Variants in PTPRG observed in about 807,000 individuals in gnomAD.
PTPRG encodes protein tyrosine phosphatase receptor type G.
In PTPRG, 102 loss-of-function variants were observed where a neutral mutation model predicts 165.3. That is an observed-to-expected ratio of 0.62 (90% CI 0.53 to 0.73). The LOEUF is 0.73. Among genes scored for constraint, PTPRG ranks in the 30% least tolerant of loss-of-function variants. The probability of loss-of-function intolerance (pLI) is 0.00; values close to 1 mark genes in which losing one functional copy is unlikely to be tolerated. For synonymous variants in PTPRG, 675 were observed against 669.5 expected, an observed-to-expected ratio of 1.01 and a Z score of -0.13; for missense variants, 1,866 against 1,861.4, an observed-to-expected ratio of 1.00 and a Z score of -0.05.
At chr3:61,871,065 T>C (rs2037557082) in intron 2 of PTPRG, among the ~76,000 whole-genome samples, 1 of 151,890 alleles carries the variant, frequency 6.6e-6, no homozygotes, top group Non-Finnish European at 1.5e-5. Flanking sequence ...ATCACCAGAG[T>C]GTCTTGAAGG....
At chr3:62,117,123 T>G (rs1702895292) in intron 5 of PTPRG, among the ~76,000 whole-genome samples, 1 of 152,328 alleles carries the variant, frequency 6.6e-6, no homozygotes, top group African/African-American at 2.4e-5. Context: ...TATTAGAACC[T>G]GGTGACCCAA....
chr3:61,582,223 C>G (rs1400622512), intron 1 of PTPRG, among the ~76,000 whole-genome samples: 1 of 152,136 alleles, frequency 6.6e-6, no homozygotes, highest in Non-Finnish European at 1.5e-5. Context: ...TCGCCTTGGC[C>G]TCTCAAAGTG....
chr3:62,180,233 G>A (rs1323940823), intron 8 of PTPRG, among the ~76,000 whole-genome samples: 1 of 152,164 alleles, frequency 6.6e-6, no homozygotes, highest in East Asian at 1.9e-4. Flanking sequence ...AACAGCTCAT[G>A]GGATCTTAGA....
chr3:61,587,587 TTTAG>T (rs781737380), intron 1 of PTPRG, among the ~76,000 whole-genome samples: 12 of 152,230 alleles, frequency 7.9e-5, no homozygotes, highest in Non-Finnish European at 1.3e-4. Flanking sequence ...CTTATTCAAA[TTTAG>T]TTAATTATCC....
intron 13 of PTPRG, among the ~76,000 whole-genome samples, chr3:62,227,685 A>G (rs1700793074): frequency 6.6e-6 from 1 of 152,178 alleles, no homozygotes; most frequent in African/African-American, 2.4e-5. Context: ...TTTCTTAAGC[A>G]TCTAGTTAGT....
chr3:61,992,270 A>G (rs2040914754), intron 3 of PTPRG, among the ~76,000 whole-genome samples: 1 of 151,878 alleles, frequency 6.6e-6, no homozygotes, highest in Non-Finnish European at 1.5e-5. Context: ...TAATCTCTTG[A>G]AAGAGTTTTA....
intron 1 of PTPRG, among the ~76,000 whole-genome samples, chr3:61,676,466 A>AAAAAAAAG (rs1703227570): frequency 6.9e-6 from 1 of 145,508 alleles, no homozygotes; most frequent in Non-Finnish European, 1.5e-5. Context: ...CAAAAAAAAA[A>AAAAAAAAG]AAAAAAAAGA....
intron 2 of PTPRG, among the ~76,000 whole-genome samples, chr3:61,752,791 A>AAAAAAAAAAAAAAAAAAAAG (rs2033486020): frequency 9.2e-6 from 1 of 108,212 alleles, no homozygotes; most frequent in Non-Finnish European, 2.0e-5. Flanking sequence ...GTCTCAAAAA[A>AAAAAAAAAAAAAAAAAAAAG]AAAAAAAAAA....
intron 1 of PTPRG, among the ~76,000 whole-genome samples, chr3:61,626,018 T>C (rs1407843047): frequency 8.9e-6 from 1 of 112,172 alleles, no homozygotes. Context: ...TTTGTTTTTT[T>C]TTTTTGGGGG....
At position 61,989,782 on chromosome 3, in the gene PTPRG, G is replaced by A. The variant is rs1485961197; in HGVS notation, c.348G>A (p.Trp116Ter). The change falls in exon 3 of 30, where the codon TGG becomes TGA. Residue 116 changes from tryptophan to a stop codon, truncating the protein, a stop_gained. Transcript: ENST00000474889. LOFTEE classifies it high-confidence loss of function. ...GFDNESSNKT[W>*]MKNTGKTVAI... ...ACAATGAGTCTTCTAACAAAACCTGGATGAAAAACACAGGGAAAACAGGTA... is the reference window on the plus strand; with the variant it reads ...ACAATGAGTCTTCTAACAAAACCTGAATGAAAAACACAGGGAAAACAGGTA... The A allele has an allele frequency of 6.2e-7, 1 of 1,613,994 alleles. No homozygotes were observed. The highest frequency in any genetic ancestry group is 8.5e-7 in the Non-Finnish European group (1 of 1,179,962).
chr3:61,905,761 G>T (rs2038631264), intron 2 of PTPRG, among the ~76,000 whole-genome samples: 1 of 152,162 alleles, frequency 6.6e-6, no homozygotes, highest in South Asian at 2.1e-4. Context: ...GCTGAGAGGT[G>T]TTATTAGAAA....
At chr3:61,638,679 C>T (rs1701985852) in intron 1 of PTPRG, among the ~76,000 whole-genome samples, 1 of 130,744 alleles carries the variant, frequency 7.6e-6, no homozygotes, top group African/African-American at 2.9e-5. Context: ...CTCAAGTGAT[C>T]TGCCTGCCTT....
rs1351274152 is a variant in PTPRG at position 62,224,674 on chromosome 3, A to G, written c.2288+5691A>G. On this transcript the variant is annotated intron_variant, in intron 13 of 29. Coordinates refer to ENST00000474889, the MANE Select transcript of PTPRG (RefSeq NM_002841.4). The surrounding 1 kb of genome is among the most constrained non-coding windows in gnomAD (Gnocchi z 4.9). ...CTGTACTTAAAATTTGGCTGAAACT[A>G]AAAACCATGAGCAGAAACCTCGGAT... is the stretch of plus-strand genomic sequence containing the variant. Among the ~76,000 whole-genome samples the G allele has an allele frequency of 6.6e-6, 1 of 152,230 alleles. No homozygotes were observed. The highest frequency in any genetic ancestry group is 2.4e-5 in the African/African-American group (1 of 41,456).
At chr3:62,009,094 C>T (rs921827624) in intron 4 of PTPRG, among the ~76,000 whole-genome samples, 9 of 152,178 alleles carry the variant, frequency 5.9e-5, no homozygotes, top group African/African-American at 1.7e-4. Context: ...CTGGTTTTAC[C>T]ACCAAATTAG....
chr3:62,033,530 T>TCCCCCCCCCCCCCCCCCCCC (rs147045221), intron 4 of PTPRG, among the ~76,000 whole-genome samples: 2 of 134,108 alleles, frequency 1.5e-5, no homozygotes, highest in African/African-American at 2.8e-5. Flanking sequence ...ATGCCTATCT[T>TCCCCCCCCCCCCCCCCCCCC]CCCCCCCCCA....
At chr3:61,770,126 A>G (rs1292473712) in intron 2 of PTPRG, 1 of 152,082 alleles carries the variant, frequency 6.6e-6, no homozygotes, top group East Asian at 1.9e-4. Flanking sequence ...GATGGATTTT[A>G]TTTCCCTTGG....
At chr3:61,887,806 T>C (rs1354350793) in intron 2 of PTPRG, among the ~76,000 whole-genome samples, 3 of 152,182 alleles carry the variant, frequency 2.0e-5, no homozygotes, top group Non-Finnish European at 4.4e-5. Context: ...ATATATTCTT[T>C]ATTCTTAAAG....
intron 2 of PTPRG, among the ~76,000 whole-genome samples, chr3:61,766,657 C>T (rs1238028032): frequency 1.3e-5 from 2 of 151,550 alleles, no homozygotes; most frequent in African/African-American, 2.4e-5. Context: ...CACCCTGTTG[C>T]CCAGATTGGA....
intron 2 of PTPRG, among the ~76,000 whole-genome samples, chr3:61,860,308 C>T (rs1398686069): frequency 1.3e-5 from 2 of 152,070 alleles, no homozygotes; most frequent in African/African-American, 4.8e-5. Context: ...GTCCTTTCAC[C>T]TATCACAGAC....
Sources: gnomAD v4.1 joint callset for allele counts (sites outside exome capture counted in the v4.1 genomes callset) on GRCh38, gnomAD v4.1.1 for gene constraint, Gnocchi (gnomAD v3.1) non-coding constraint, MANE v1.5 for transcripts, NCBI Gene and HGNC (gene_info 2026-07-23, HGNC 2026-07-21) for gene names.